RPS6KA2: variants seen among roughly 807,000 people sequenced by gnomAD.
The protein encoded by RPS6KA2 is ribosomal protein S6 kinase A2.
Under a neutral mutation model 91.8 loss-of-function variants are expected in RPS6KA2, and 42 were observed. The ratio of observed to expected loss-of-function variants is 0.46; its 90% CI spans 0.36 to 0.59. The LOEUF (loss-of-function observed/expected upper bound fraction) is 0.59. Among genes scored for constraint, RPS6KA2 ranks in the 20% least tolerant of loss-of-function variants. The pLI is 0.00. For missense variants in RPS6KA2, 798 were observed against 978.5 expected (o/e 0.82, Z 2.46); for synonymous variants, 414 against 393.6 (o/e 1.05, Z -0.61).
At chr6:166,802,131 G>A (rs1779382284) in intron 2 of RPS6KA2, among the ~76,000 whole-genome samples, 1 of 151,952 alleles carries the variant, frequency 6.6e-6, no homozygotes, top group South Asian at 2.1e-4. Context: ...TTAGCCAGGC[G>A]TGGTGGTGGG....
intron 1 of RPS6KA2, among the ~76,000 whole-genome samples, chr6:166,608,448 A>G (rs757925543): frequency 5.3e-4 from 81 of 152,182 alleles, no homozygotes; most frequent in Non-Finnish European, 5.4e-4. Flanking sequence ...AACCTGACTC[A>G]ACAATCCATC....
intron 2 of RPS6KA2, among the ~76,000 whole-genome samples, chr6:166,688,381 G>C (rs566175291): frequency 6.6e-6 from 1 of 152,240 alleles, no homozygotes; most frequent in Non-Finnish European, 1.5e-5. Context: ...CCACCTGCCC[G>C]GCCCCCTCTG....
At chr6:166,569,920 A>G (rs6456094) in intron 1 of RPS6KA2, among the ~76,000 whole-genome samples, 151,507 of 152,310 alleles carry the variant, frequency 0.99, 75,356 homozygotes, top group Middle Eastern at 1. Context: ...GAAAAGCCTC[A>G]CTCTGTACTT....
rs1161238594 is a variant in RPS6KA2 at position 166,627,196 on chromosome 6, C to A, written c.-177G>T. On this transcript the variant is annotated 5_prime_UTR_variant, in exon 1 of 21. Transcript: ENST00000265678. ...CACAAAGGGCAGGCCGCGCCGGCCA[C>A]CGCGGCCGGGGCCACAATCGCTCCC... is the stretch of plus-strand genomic sequence containing the variant. The A allele has an allele frequency of 8.6e-6, 9 of 1,044,866 alleles. No homozygotes were observed. Among genetic ancestry groups the A allele is most frequent in the Non-Finnish European group, 1.0e-5 (9 of 869,982 alleles). 64.7% of individuals were successfully genotyped at this position (1,044,866 alleles called of 1,614,324 possible). A position where few individuals can be genotyped will look rare whatever the true frequency, so the allele number is the denominator to read the frequency against.
At chr6:166,817,736 T>G (rs988463539) in intron 2 of RPS6KA2, among the ~76,000 whole-genome samples, 4 of 151,722 alleles carry the variant, frequency 2.6e-5, no homozygotes, top group African/African-American at 9.7e-5. Context: ...TTTTTTTTTT[T>G]GTTTGAGATG....
chr6:166,452,614 G>A (rs968343472), intron 12 of RPS6KA2, among the ~76,000 whole-genome samples: 10 of 152,054 alleles, frequency 6.6e-5, no homozygotes, highest in Non-Finnish European at 1.3e-4. Flanking sequence ...GCATGGTACT[G>A]GTATAAACAT....
chr6:166,570,130 A>C (rs1784641524), intron 1 of RPS6KA2, among the ~76,000 whole-genome samples: 1 of 152,190 alleles, frequency 6.6e-6, no homozygotes, highest in Non-Finnish European at 1.5e-5. Context: ...CCCACAAAAG[A>C]AGCCTACTGA....
intron 3 of RPS6KA2, among the ~76,000 whole-genome samples, chr6:166,511,667 A>T (rs892333292): frequency 6.6e-6 from 1 of 152,222 alleles, no homozygotes; most frequent in Admixed American, 6.5e-5. Context: ...TGGGACAAAT[A>T]TGATCAGTAT....
chr6:166,597,925 G>A (rs1785597491), intron 1 of RPS6KA2, among the ~76,000 whole-genome samples: 1 of 152,206 alleles, frequency 6.6e-6, no homozygotes, highest in South Asian at 2.1e-4. Flanking sequence ...GTTCCTGTCA[G>A]AACCACTGCA....
rs532101705 is a variant in RPS6KA2, at chr6:166,448,678, C to T, written c.1332+46G>A. On this transcript the variant is annotated intron_variant, in intron 14 of 20. Coordinates refer to ENST00000265678, the MANE Select transcript of RPS6KA2 (RefSeq NM_021135.6). The surrounding 1 kb of genome is among the most constrained non-coding windows in gnomAD (Gnocchi z 4.7). The stretch of plus-strand genomic sequence containing the variant: ...CCCACATACCACACGTGCTCCCACG[C>T]GCTGCACTCACACAGGGCCCTGCTC... The T allele has an allele frequency of 2.8e-5, 44 of 1,572,604 alleles. No homozygotes were observed. Among genetic ancestry groups the T allele is most frequent in the Non-Finnish European group, 3.0e-5 (35 of 1,156,878 alleles).
intron 2 of RPS6KA2, among the ~76,000 whole-genome samples, chr6:166,817,398 T>C (rs572252825): frequency 0.012 from 1,041 of 83,764 alleles, 10 homozygotes; most frequent in African/African-American, 0.029. Flanking sequence ...CACACACGCA[T>C]GTAAACACAC....
At chr6:166,741,581 G>A (rs376397540) in intron 2 of RPS6KA2, among the ~76,000 whole-genome samples, 4 of 152,338 alleles carry the variant, frequency 2.6e-5, no homozygotes, top group Admixed American at 6.5e-5. Flanking sequence ...GATCATTAGA[G>A]CCCCGGTGTC....
At chr6:166,483,538 T>C (rs1781306989) in intron 10 of RPS6KA2, among the ~76,000 whole-genome samples, 1 of 152,244 alleles carries the variant, frequency 6.6e-6, no homozygotes, top group Non-Finnish European at 1.5e-5. Context: ...CCATTTTGCA[T>C]TTTGAAGACC....
chr6:166,488,427 G>A (rs889825611), intron 10 of RPS6KA2, among the ~76,000 whole-genome samples: 3 of 152,212 alleles, frequency 2.0e-5, no homozygotes, highest in Admixed American at 2.0e-4. Flanking sequence ...AAATCAATCA[G>A]TAGTTAAAGT....
At chr6:166,582,309 C>T (rs969651727) in intron 1 of RPS6KA2, among the ~76,000 whole-genome samples, 9 of 152,190 alleles carry the variant, frequency 5.9e-5, no homozygotes, top group Non-Finnish European at 1.3e-4. Flanking sequence ...AGCTGGCTTC[C>T]GGTGGCATGC....
At chr6:166,700,544 G>A (rs1789479298) in intron 2 of RPS6KA2, among the ~76,000 whole-genome samples, 1 of 152,054 alleles carries the variant, frequency 6.6e-6, no homozygotes, top group African/African-American at 2.4e-5. Flanking sequence ...ACCCGAGGTA[G>A]TTGAGTAAAA....
In RPS6KA2 at chr6:166,758,930, G is replaced by A. The variant is rs186003893; in HGVS notation, c.123+99270C>T. On this transcript the variant is annotated intron_variant, in intron 2 of 21. Coordinates refer to the RPS6KA2 transcript ENST00000503859. ...AAGTGCAATCGTCCTTTCTCCAGTG[G>A]TTGCTATTTCAGGAAATGGGTTCTA... 7.4e-4 allele frequency among the ~76,000 whole-genome samples: 112 copies of A among 152,336 alleles called. 1 individual carries two copies. The highest frequency in any genetic ancestry group is 2.4e-3 in the African/African-American group (101 of 41,566).
chr6:166,461,627 A>G (rs1224565769), intron 11 of RPS6KA2, among the ~76,000 whole-genome samples: 4 of 151,944 alleles, frequency 2.6e-5, no homozygotes, highest in Non-Finnish European at 5.9e-5. Context: ...GAGAGCACGC[A>G]CTAGCTCGAT....
chr6:166,551,348 A>G (rs1784018331), intron 1 of RPS6KA2, among the ~76,000 whole-genome samples: 1 of 152,240 alleles, frequency 6.6e-6, no homozygotes, highest in Non-Finnish European at 1.5e-5. Flanking sequence ...TCCTGCTAAA[A>G]GTAGATCATT....
Sources: gnomAD v4.1 joint callset for allele counts (sites outside exome capture counted in the v4.1 genomes callset) on GRCh38, gnomAD v4.1.1 for gene constraint, Gnocchi (gnomAD v3.1) non-coding constraint, MANE v1.5 for transcripts, NCBI Gene and HGNC (gene_info 2026-07-23, HGNC 2026-07-21) for gene names.